Variants in DSCAML1 observed in about 807,000 individuals in gnomAD.
DSCAML1 encodes cell adhesion molecule DSCAML1.
In DSCAML1, 38 loss-of-function variants were observed where a neutral mutation model predicts 200.5. The observed-to-expected ratio is 0.19, with a 90% CI of 0.15 to 0.25. DSCAML1 has a LOEUF of 0.25. Among genes scored for constraint, DSCAML1 ranks in the 10% least tolerant of loss-of-function variants. The pLI is 1.00. For synonymous variants in DSCAML1, 1,215 were observed against 1,165.0 expected (o/e 1.04, Z -0.87); for missense variants, 2,223 against 2,858.8 (o/e 0.78, Z 5.07).
In DSCAML1 at chr11:117,780,402, AACG is replaced by A; in HGVS notation, c.364+88_364+90del. On this transcript the variant is annotated intron_variant, in intron 2 of 32. Transcript: ENST00000651296. This position sits in a 1 kb window ranked among gnomAD's most constrained non-coding sequence, Gnocchi z 4.8. ...AGAACAACAAAACTGTTCTTGAGTG[AACG>A]ACTTCTTGCAAGCCCCTCCGAATAT... 1.7e-6 allele frequency: 2 copies of A among 1,203,688 alleles called. No homozygotes were observed. The highest frequency in any genetic ancestry group is 2.2e-6 in the Non-Finnish European group (2 of 910,172). The allele number at this position is 1,203,688 out of a possible 1,614,324, so 74.6% of individuals were successfully genotyped here.
chr11:117,594,132 A>G (rs1484682494), intron 3 of DSCAML1, among the ~76,000 whole-genome samples: 9 of 152,156 alleles, frequency 5.9e-5, no homozygotes, highest in Non-Finnish European at 1.3e-4. Context: ...AAAAGGAAAG[A>G]GGGGCACTCA....
intron 20 of DSCAML1, among the ~76,000 whole-genome samples, chr11:117,445,824 C>A (rs2137104486): frequency 1.3e-5 from 2 of 152,278 alleles, no homozygotes; most frequent in South Asian, 4.2e-4. Context: ...AACCCAGATA[C>A]TGGGCGCTTT....
intron 1 of DSCAML1, among the ~76,000 whole-genome samples, chr11:117,803,066 G>C (rs914167965): frequency 1.4e-5 from 2 of 145,732 alleles, no homozygotes; most frequent in African/African-American, 5.1e-5. Context: ...GAACATTTTG[G>C]GGGGATCTGA....
chr11:117,626,500 A>G (rs1415505854), intron 3 of DSCAML1, among the ~76,000 whole-genome samples: 1 of 152,122 alleles, frequency 6.6e-6, no homozygotes, highest in African/African-American at 2.4e-5. Context: ...ATTATCAGGT[A>G]GTTAAAGAGT....
At position 117,780,217 on chromosome 11, in the gene DSCAML1, G is replaced by GAA. The variant is rs142392829; in HGVS notation, c.364+275_364+276insTT. Among the ~76,000 whole-genome samples, 1,677 of 77,064 alleles carry GAA rather than the reference G, an allele frequency of 0.022. 150 individuals are homozygous for GAA. Among genetic ancestry groups the GAA allele is most frequent in the African/African-American group, 0.073 (1,496 of 20,354 alleles). 50.6% of individuals were successfully genotyped at this position (77,064 alleles called of 152,430 possible). ...AAAGAAAGAGAAAGAAAGAGAGAGA[G>GAA]AGAAAGAAAGAAAGGAAAGAAAGAA... On this transcript the variant is annotated intron_variant, in intron 2 of 32. Transcript: ENST00000651296. The surrounding 1 kb of genome is among the most constrained non-coding windows in gnomAD (Gnocchi z 4.8).
intron 11 of DSCAML1, among the ~76,000 whole-genome samples, chr11:117,501,371 T>C (rs1228205445): frequency 6.6e-6 from 1 of 152,058 alleles, no homozygotes; most frequent in African/African-American, 2.4e-5. Flanking sequence ...AGTGTTGCCT[T>C]GTCACAGCAG....
intron 3 of DSCAML1, among the ~76,000 whole-genome samples, chr11:117,759,069 A>G (rs1203677271): frequency 6.6e-6 from 1 of 152,204 alleles, no homozygotes. Context: ...TCTAGACCTT[A>G]GAGGACCCCA....
chr11:117,769,066 AT>A (rs1392312962), intron 3 of DSCAML1, among the ~76,000 whole-genome samples: 32 of 7,190 alleles, frequency 4.5e-3, no homozygotes, highest in East Asian at 0.33. Context: ...TCTCAAAAAA[AT>A]ATATATATAA....
At chr11:117,618,167 G>T (rs923223832) in intron 3 of DSCAML1, among the ~76,000 whole-genome samples, 2 of 152,172 alleles carry the variant, frequency 1.3e-5, no homozygotes, top group African/African-American at 4.8e-5. Context: ...CTTTCATAAA[G>T]TTATAGACAT....
intron 3 of DSCAML1, among the ~76,000 whole-genome samples, chr11:117,547,385 G>A (rs2050391792): frequency 6.6e-6 from 1 of 152,212 alleles, no homozygotes; most frequent in Admixed American, 6.5e-5. Flanking sequence ...ACCCTTGTGT[G>A]CCTGGGCCTT....
chr11:117,517,339 G>C (rs964932953), intron 7 of DSCAML1, among the ~76,000 whole-genome samples: 1 of 152,138 alleles, frequency 6.6e-6, no homozygotes, highest in South Asian at 2.1e-4. Flanking sequence ...AGTGTCCTGG[G>C]CTAGGCTTGC....
chr11:117,431,722 A>G lies in DSCAML1; in HGVS notation c.5186T>C (p.Val1729Ala), dbSNP rs762641370. 1.3e-6 allele frequency: 2 copies of G among 1,575,734 alleles called. No homozygotes were observed. Among genetic ancestry groups the G allele is most frequent in the East Asian group, 2.3e-5 (1 of 43,740 alleles). Residue 1729 changes from valine (V) to alanine (A), a missense_variant, in exon 31 of 33, where the codon GTG (valine) becomes GCG (alanine). Val to Ala is a moderately conservative substitution (Grantham distance 64). Around this residue, in one of 7 missense-constraint regions of DSCAML1, gnomAD observed 614 missense variants for 739.1 expected, o/e 0.83. Coordinates refer to ENST00000651296, the MANE Select transcript of DSCAML1 (RefSeq NM_020693.4). ...GGCTGACTTCACATTCTTCCTGGAC[A>G]CTGGATCTGCACAGACAGAAGCAAG... ...MSDIRPGTNP[V>A]SRKNVKSAHS... is the part of the protein sequence containing the mutation.
chr11:117,571,885 C>A (rs754973758), intron 3 of DSCAML1, among the ~76,000 whole-genome samples: 2 of 152,176 alleles, frequency 1.3e-5, no homozygotes, highest in Non-Finnish European at 2.9e-5. Context: ...CCAAAACCCA[C>A]CAAAACCAAG....
At chr11:117,797,307 C>G, upstream of DSCAML1, 1 of 1,313,584 alleles carries the variant, frequency 7.6e-7, no homozygotes, top group Non-Finnish European at 9.6e-7. Context: ...CCCGCGGCAC[C>G]CCGGGTGGTG....
intron 3 of DSCAML1, among the ~76,000 whole-genome samples, chr11:117,697,063 C>T (rs1277230663): frequency 6.6e-6 from 1 of 152,202 alleles, no homozygotes; most frequent in Admixed American, 6.5e-5. Context: ...TTTGTAACGG[C>T]TCTGGTAGTG....
chr11:117,586,734 G>A (rs2051151458), intron 3 of DSCAML1, among the ~76,000 whole-genome samples: 1 of 152,226 alleles, frequency 6.6e-6, no homozygotes, highest in African/African-American at 2.4e-5. Context: ...TCAGGACTCA[G>A]CCCTTCCACG....
chr11:117,693,434 G>A (rs949444400), intron 3 of DSCAML1, among the ~76,000 whole-genome samples: 3 of 152,158 alleles, frequency 2.0e-5, no homozygotes, highest in Non-Finnish European at 4.4e-5. Context: ...CATGCCTTCT[G>A]GGTTTTACTC....
At position 117,504,512 on chromosome 11, in the gene DSCAML1, AG is replaced by A. The variant is rs1029231983; in HGVS notation, c.2182+411del. On this transcript the variant is annotated intron_variant, in intron 10 of 32. Coordinates refer to ENST00000651296, the MANE Select transcript of DSCAML1 (RefSeq NM_020693.4). The surrounding 1 kb of genome is among the most constrained non-coding windows in gnomAD (Gnocchi z 5.0). Reference sequence around the variant, plus strand: ...GTCTAGGATTGGGCCTCAGTCAGAAAGCAAAGGCATCCCTGGGATGAAATTG... The same window carrying A: ...GTCTAGGATTGGGCCTCAGTCAGAAACAAAGGCATCCCTGGGATGAAATTG... Among the ~76,000 whole-genome samples, 2 of 152,096 alleles carry A rather than the reference AG, an allele frequency of 1.3e-5. No homozygotes were observed. Among genetic ancestry groups the A allele is most frequent in the African/African-American group, 4.8e-5 (2 of 41,426 alleles).
At chr11:117,814,356 A>G (rs1358425374) in intron 1 of DSCAML1, among the ~76,000 whole-genome samples, 2 of 152,230 alleles carry the variant, frequency 1.3e-5, no homozygotes, top group African/African-American at 2.4e-5. Context: ...TGGCTAAGCC[A>G]GGGCTCAAAT....
Sources: allele counts gnomAD v4.1 joint callset (sites outside exome capture counted in the v4.1 genomes callset), GRCh38; gene constraint gnomAD v4.1.1; regional missense constraint gnomAD v4.1.1; non-coding constraint Gnocchi (gnomAD v3.1); transcripts MANE v1.5; gene names NCBI Gene and HGNC (gene_info 2026-07-23, HGNC 2026-07-21).